The following WFS1 variants were observed in gnomAD, a reference collection of about 807,000 sequenced individuals.
WFS1 encodes the protein wolframin ER transmembrane glycoprotein.
Under a neutral mutation model 68.5 loss-of-function variants are expected in WFS1, and 90 were observed. The observed-to-expected ratio is 1.31, with a 90% CI of 1.11 to 1.56. The LOEUF (loss-of-function observed/expected upper bound fraction) is 1.56, where lower values mean the gene tolerates loss of function less well. Ranked by LOEUF, WFS1 falls within the 40% of genes most tolerant of loss-of-function variation. WFS1 has a pLI of 0.00. For missense variants in WFS1, 1,767 were observed against 1,232.6 expected (o/e 1.43, Z -6.49); for synonymous variants, 860 against 540.7 (o/e 1.59, Z -8.19).
rs186415193 is a variant in WFS1 at position 6,270,489 on chromosome 4, C to A, written c.-6+475C>A. 2.2e-4 allele frequency among the ~76,000 whole-genome samples: 33 copies of A among 152,142 alleles called. No homozygotes were observed. In the East Asian group the frequency reaches 6.0e-3, roughly 28 times the overall value. On this transcript the variant is annotated intron_variant, in intron 1 of 7. Coordinates refer to ENST00000226760, the MANE Select transcript of WFS1 (RefSeq NM_006005.3). ...TGTGGGGGGGAAGGGGGGTTCAGTC[C>A]CCCAGGGGGACCCGGCCCGCCCGAG...
At chr4:6,272,572 T>C (rs111867889) in intron 1 of WFS1, among the ~76,000 whole-genome samples, 1 of 152,252 alleles carries the variant, frequency 6.6e-6, no homozygotes, top group Admixed American at 6.5e-5. Context: ...CAGGACCTCC[T>C]GGGCCTGCTC....
intron 2 of WFS1, among the ~76,000 whole-genome samples, chr4:6,278,401 A>G (rs886640079): frequency 6.6e-6 from 1 of 152,188 alleles, no homozygotes; most frequent in African/African-American, 2.4e-5. Context: ...CACTTTTGCT[A>G]GAGAGGCCGC....
Position 6,302,388 on chromosome 4 carries a change from C to T in WFS1, c.2593C>T (p.His865Tyr). 1 of 1,613,116 alleles carries T rather than the reference C, an allele frequency of 6.2e-7. No homozygotes were observed. Among genetic ancestry groups the T allele is most frequent in the Non-Finnish European group, 8.5e-7 (1 of 1,179,988 alleles). ...CACCAGGCGGCACGTGAAGATCGAG[C>T]ACGACTGGCGCAGCACCGTGCATGG... ...SPTRRHVKIE[H>Y]DWRSTVHGAV... is the part of the protein sequence containing the mutation. Residue 865 changes from histidine to tyrosine, a missense_variant, in exon 8 of 8, where the codon CAC becomes TAC. Transcript: ENST00000226760.
chr4:6,289,183 A>T (rs2109115280), intron 4 of WFS1, 52 bp downstream of exon 4: 1 of 1,532,622 alleles, frequency 6.5e-7, no homozygotes, highest in Non-Finnish European at 8.8e-7. Context: ...GCAGCTTGTA[A>T]TGCTGCTTGC....
In WFS1 at chr4:6,277,623, C is replaced by G; in HGVS notation, c.168C>G (p.Asp56Glu). The G allele has an allele frequency of 6.4e-7, 1 of 1,572,496 alleles. No homozygotes were observed. ...CTGGCCCTGGCCCTGGTGTTAGAGA[C>G]GCAGCGGCCCCCGCTGAACCCCAGG... The part of the protein sequence containing the change: ...PQAGPGPGVR[D>E]AAAPAEPQAQ... Residue 56 changes from aspartate to glutamate, a missense_variant, in exon 2 of 8, where the codon GAC becomes GAG. Asp to Glu is a conservative substitution (Grantham distance 45). Coordinates refer to ENST00000226760, the MANE Select transcript of WFS1 (RefSeq NM_006005.3).
At chr4:6,299,291 T>C (rs1449399173) in intron 7 of WFS1, among the ~76,000 whole-genome samples, 2 of 152,182 alleles carry the variant, frequency 1.3e-5, no homozygotes, top group Non-Finnish European at 2.9e-5. Flanking sequence ...TCTGCTCCTC[T>C]TGGCTGTGGT....
Position 6,284,158 on chromosome 4 carries a change from T to C in WFS1, c.233-2935T>C, listed in dbSNP as rs374680649. Among the ~76,000 whole-genome samples the C allele has an allele frequency of 3.3e-5, 5 of 152,106 alleles. No individual in the cohort carries two copies. In the South Asian group the frequency reaches 6.2e-4, roughly 19 times the overall value. On this transcript the variant is annotated intron_variant, in intron 2 of 7. Coordinates refer to ENST00000226760, the MANE Select transcript of WFS1 (RefSeq NM_006005.3). ...GGCTGAGGCAGCAGATCACCTGAGG[T>C]CAGGGGTTCGAGACCAGCCTGGCCA... is the stretch of plus-strand genomic sequence containing the variant.
chr4:6,284,349 G>C (rs1337151621), intron 2 of WFS1, among the ~76,000 whole-genome samples: 2 of 152,102 alleles, frequency 1.3e-5, no homozygotes, highest in Non-Finnish European at 2.9e-5. Context: ...TTCCAGCCTG[G>C]GCGATGAGAG....
chr4:6,277,760 C>G, intron 2 of WFS1, 73 bp downstream of exon 2: 1 of 1,510,354 alleles, frequency 6.6e-7, no homozygotes, highest in Non-Finnish European at 9.0e-7. Flanking sequence ...GTTCAGCCAC[C>G]CCTGGAGGGT....
intron 2 of WFS1, among the ~76,000 whole-genome samples, chr4:6,286,143 A>C (rs891968420): frequency 6.6e-6 from 1 of 152,050 alleles, no homozygotes; most frequent in Non-Finnish European, 1.5e-5. Flanking sequence ...GAGCCACCAA[A>C]ATGGTGAGCT....
Position 6,302,521 on chromosome 4 carries a change from C to T in WFS1, c.*53C>T, listed in dbSNP as rs946467100. The T allele has an allele frequency of 1.1e-5, 18 of 1,605,198 alleles. No homozygotes were observed. The highest frequency in any genetic ancestry group is 1.4e-5 in the Non-Finnish European group (17 of 1,178,316). On this transcript the variant is annotated 3_prime_UTR_variant, in exon 8 of 8. Coordinates refer to ENST00000226760, the MANE Select transcript of WFS1 (RefSeq NM_006005.3). ...TGCATGTTGCCATGAGGCCTTTCCC[C>T]AGTGTGGCCCCAGCCCGACAGGCAT... is the stretch of plus-strand genomic sequence containing the variant.
chr4:6,295,296 C>CA, intron 7 of WFS1, 107 bp downstream of exon 7: 5 of 1,373,550 alleles, frequency 3.6e-6, no homozygotes, highest in Non-Finnish European at 5.1e-6. Flanking sequence ...TCGCGCCTAA[C>CA]AAAGAGTGTC....
chr4:6,300,610 T>G, intron 7 of WFS1, 47 bp from the exon 8 acceptor site: 2 of 1,612,640 alleles, frequency 1.2e-6, no homozygotes, highest in Non-Finnish European at 1.7e-6. Flanking sequence ...ATGGGAGCAG[T>G]GGGGGTCCTG....
Position 6,289,066 on chromosome 4 carries a change from T to G in WFS1, c.395T>G (p.Leu132Arg), listed in dbSNP as rs763992743. Residue 132 changes from leucine to arginine, a missense_variant, in exon 4 of 8, where the codon CTC becomes CGC. Physicochemically the swap from Leu to Arg is moderately radical, Grantham distance 102. Coordinates refer to ENST00000226760, the MANE Select transcript of WFS1 (RefSeq NM_006005.3). ...TGCACCGCTGTGGACTGGCTGGTCC[T>G]CGCCGCGAAGCAGGGCCGTCGCGAG... ...NSCTAVDWLV[L>R]AAKQGRREAV... 8.2e-6 allele frequency: 13 copies of G among 1,593,338 alleles called. No individual in the cohort carries two copies. The Admixed American group carries it at 2.1e-4, about 26-fold the overall frequency.
chr4:6,278,380 C>T (rs1272340162), intron 2 of WFS1, among the ~76,000 whole-genome samples: 1 of 152,206 alleles, frequency 6.6e-6, no homozygotes, highest in Non-Finnish European at 1.5e-5. Context: ...ACTCAGGCCT[C>T]GGTCAGCCTT....
chr4:6,296,056 T>C (rs989229740), intron 7 of WFS1, among the ~76,000 whole-genome samples: 1 of 152,236 alleles, frequency 6.6e-6, no homozygotes, highest in Admixed American at 6.5e-5. Context: ...TCTTCTGAAC[T>C]GACTGAGAAC....
intron 1 of WFS1, among the ~76,000 whole-genome samples, chr4:6,274,449 T>G (rs569995106): frequency 6.6e-6 from 1 of 152,186 alleles, no homozygotes; most frequent in Admixed American, 6.5e-5. Flanking sequence ...ATTTTACATA[T>G]GGGGAAACAG....
rs1243085799 is a variant in WFS1, at chr4:6,301,561, T to G, written c.1766T>G (p.Phe589Cys). The G allele has an allele frequency of 1.2e-6, 2 of 1,614,106 alleles. No individual in the cohort carries two copies. Among genetic ancestry groups the G allele is most frequent in the East Asian group, 2.2e-5 (1 of 44,866 alleles). ...LVGVLQFARWFTSLELTKIAV... is the reference protein window; with the variant it reads ...LVGVLQFARWCTSLELTKIAV... ...GGCGTGCTGCAGTTCGCCCGGTGGT[T>G]CACGTCTCTGGAGCTCACCAAGATC... Residue 589 changes from phenylalanine (F) to cysteine (C), a missense_variant, in exon 8 of 8, where the codon TTC becomes TGC. By Grantham distance (205) the Phe-to-Cys change is radical (BLOSUM62 -2). Transcript: ENST00000226760.
At chr4:6,273,924 A>G (rs957009469) in intron 1 of WFS1, among the ~76,000 whole-genome samples, 2 of 152,238 alleles carry the variant, frequency 1.3e-5, no homozygotes, top group Non-Finnish European at 2.9e-5. Context: ...GCAGTGTGAC[A>G]TACATGGTAC....
Sources: allele counts gnomAD v4.1 joint callset (sites outside exome capture counted in the v4.1 genomes callset), GRCh38; gene constraint gnomAD v4.1.1; transcripts MANE v1.5; gene names NCBI Gene and HGNC (gene_info 2026-07-23, HGNC 2026-07-21).